CADM2: variants seen among roughly 807,000 people sequenced by gnomAD.
CADM2 encodes immunoglobulin superfamily member 4D.
Under a neutral mutation model 49.8 loss-of-function variants are expected in CADM2, and 12 were observed. That is an observed-to-expected ratio of 0.24 (90% CI 0.15 to 0.39). The LOEUF (loss-of-function observed/expected upper bound fraction) is 0.39, where lower values mean the gene tolerates loss of function less well. Ranked by LOEUF, CADM2 falls within the 10% of genes least tolerant of loss-of-function variation. The pLI is 1.00. For synonymous variants in CADM2, 214 were observed against 175.4 expected (o/e 1.22, Z -1.74); for missense variants, 378 against 492.3 (o/e 0.77, Z 2.20).
At chr3:85,494,978 T>C (rs2039828193) in intron 1 of CADM2, among the ~76,000 whole-genome samples, 1 of 152,210 alleles carries the variant, frequency 6.6e-6, no homozygotes, top group Admixed American at 6.5e-5. Context: ...TTGATTTTGC[T>C]ATAATGTGTG....
intron 1 of CADM2, among the ~76,000 whole-genome samples, chr3:85,202,826 T>C (rs763452795): frequency 3.5e-4 from 54 of 152,220 alleles, no homozygotes; most frequent in Admixed American, 2.5e-3. Context: ...TTTTTTCCTG[T>C]AGCCACCTTC....
intron 1 of CADM2, among the ~76,000 whole-genome samples, chr3:85,087,546 C>T (rs1031104934): frequency 2.6e-5 from 4 of 151,948 alleles, no homozygotes; most frequent in Non-Finnish European, 5.9e-5. Context: ...CAGTTTATTT[C>T]GAATTTTTAC....
chr3:85,114,373 G>C (rs1559670432), intron 1 of CADM2, among the ~76,000 whole-genome samples: 2 of 152,078 alleles, frequency 1.3e-5, no homozygotes, highest in East Asian at 3.9e-4. Flanking sequence ...GACAGGTTTT[G>C]GTTAGCTAAG....
chr3:85,216,187 G>GA (rs1011243073), intron 1 of CADM2, among the ~76,000 whole-genome samples: 1 of 148,804 alleles, frequency 6.7e-6, no homozygotes, highest in African/African-American at 2.5e-5. Flanking sequence ...TTGTTTTCAT[G>GA]AAAAAAAAAT....
intron 1 of CADM2, among the ~76,000 whole-genome samples, chr3:85,654,883 T>G (rs1393055944): frequency 6.6e-6 from 1 of 152,164 alleles, no homozygotes; most frequent in Non-Finnish European, 1.5e-5. Context: ...TGTTAATTGA[T>G]TGATAGCTTT....
intron 1 of CADM2, among the ~76,000 whole-genome samples, chr3:85,080,374 A>G (rs902250828): frequency 6.6e-5 from 10 of 152,052 alleles, no homozygotes; most frequent in Admixed American, 5.9e-4. Flanking sequence ...TCGATATGTC[A>G]GGAAGATTTA....
chr3:85,261,005 T>G (rs2043003150), intron 1 of CADM2, among the ~76,000 whole-genome samples: 1 of 152,122 alleles, frequency 6.6e-6, no homozygotes, highest in South Asian at 2.1e-4. Context: ...TTTTTTTCAT[T>G]TTTGATGAAG....
At chr3:85,617,239 C>G (rs988408540) in intron 1 of CADM2, among the ~76,000 whole-genome samples, 3 of 152,262 alleles carry the variant, frequency 2.0e-5, no homozygotes, top group Middle Eastern at 3.4e-3. Context: ...TTCTGACCAA[C>G]TGGCCTCAAG....
chr3:85,568,449 T>TTTCTCTCTC (rs1327828613), intron 1 of CADM2, among the ~76,000 whole-genome samples: 4 of 27,784 alleles, frequency 1.4e-4, no homozygotes, highest in African/African-American at 4.1e-4. Flanking sequence ...CTTTCTTTCT[T>TTTCTCTCTC]TCTTTCTTTC....
At chr3:85,326,479 AT>A (rs986286247) in intron 1 of CADM2, among the ~76,000 whole-genome samples, 32 of 152,040 alleles carry the variant, frequency 2.1e-4, no homozygotes, top group Admixed American at 9.2e-4. Flanking sequence ...AAATAACACT[AT>A]TTTTTTCCAT....
In CADM2 at chr3:85,638,400, C is replaced by A. The variant is rs562117534; in HGVS notation, c.62-88122C>A. Reference sequence around the variant, plus strand: ...TCTCCACAAATTGATACAACTACAGCTGTGAAAATATTGAAAAAATATTTT... The same window carrying A: ...TCTCCACAAATTGATACAACTACAGATGTGAAAATATTGAAAAAATATTTT... On this transcript the variant is annotated intron_variant, in intron 1 of 9. Coordinates refer to ENST00000383699, the MANE Select transcript of CADM2 (RefSeq NM_001167675.2). Among the ~76,000 whole-genome samples the A allele has an allele frequency of 1.3e-3, 192 of 152,180 alleles. 2 individuals carry two copies. In the South Asian group the frequency reaches 0.023, roughly 18 times the overall value.
intron 1 of CADM2, among the ~76,000 whole-genome samples, chr3:85,642,410 G>A (rs958631372): frequency 6.6e-6 from 1 of 151,820 alleles, no homozygotes; most frequent in African/African-American, 2.4e-5. Context: ...ATAATACAAT[G>A]AAAAACTAAA....
chr3:86,004,059 G>A (rs1026878400), intron 8 of CADM2, among the ~76,000 whole-genome samples: 1 of 152,058 alleles, frequency 6.6e-6, no homozygotes, highest in African/African-American at 2.4e-5. Context: ...AAGATAAGGA[G>A]TATTGATATT....
chr3:85,393,662 T>C (rs1022509285), intron 1 of CADM2, among the ~76,000 whole-genome samples: 1 of 152,140 alleles, frequency 6.6e-6, no homozygotes, highest in African/African-American at 2.4e-5. Flanking sequence ...ATTGAACTTG[T>C]CTTTAAAGTG....
chr3:85,700,819 T>C (rs2066730194), intron 1 of CADM2, among the ~76,000 whole-genome samples: 1 of 152,216 alleles, frequency 6.6e-6, no homozygotes, highest in Non-Finnish European at 1.5e-5. Flanking sequence ...AACAAGTCTC[T>C]AAGAAGTTCA....
At chr3:85,716,653 C>A in intron 1 of CADM2, among the ~76,000 whole-genome samples, 1 of 152,102 alleles carries the variant, frequency 6.6e-6, no homozygotes, top group Non-Finnish European at 1.5e-5. Context: ...AATCTTTAAT[C>A]CATCTTGAGT....
At chr3:86,052,251 A>G (rs185659906) in intron 8 of CADM2, among the ~76,000 whole-genome samples, 275 of 152,272 alleles carry the variant, frequency 1.8e-3, no homozygotes, top group Non-Finnish European at 3.6e-3. Context: ...TGTAAATTGT[A>G]TTTGTATTCC....
chr3:85,248,367 TG>T (rs2042697627), intron 1 of CADM2, among the ~76,000 whole-genome samples: 1 of 152,118 alleles, frequency 6.6e-6, no homozygotes, highest in Non-Finnish European at 1.5e-5. Flanking sequence ...CTCTGCCTCC[TG>T]GATTCAAGCA....
intron 1 of CADM2, among the ~76,000 whole-genome samples, chr3:85,017,806 A>G (rs1397991779): frequency 6.6e-6 from 1 of 152,180 alleles, no homozygotes; most frequent in Non-Finnish European, 1.5e-5. Context: ...GACATGGAGG[A>G]AGAGAATATT....
Sources: gnomAD v4.1 joint callset for allele counts (sites outside exome capture counted in the v4.1 genomes callset) on GRCh38, gnomAD v4.1.1 for gene constraint, MANE v1.5 for transcripts, NCBI Gene and HGNC (gene_info 2026-07-23, HGNC 2026-07-21) for gene names.